The following PLXNA3 variants were observed in gnomAD, a reference collection of about 807,000 sequenced individuals.
PLXNA3 encodes the protein plexin A3.
A neutral mutation model predicts 118.8 loss-of-function variants in PLXNA3; 52 were observed. The observed-to-expected ratio is 0.44, with a 90% CI of 0.35 to 0.55. PLXNA3 has a LOEUF of 0.55. Among genes scored for constraint, PLXNA3 ranks in the 20% least tolerant of loss-of-function variants. The pLI is 0.01. For synonymous variants in PLXNA3, 925 were observed against 762.4 expected, an observed-to-expected ratio of 1.21 and a Z score of -3.51; for missense variants, 1,660 against 1,730.8, an observed-to-expected ratio of 0.96 and a Z score of 0.73.
chrX:154,463,886 G>A (rs1263420662), intron 6 of PLXNA3, 65 bp from the exon 7 acceptor site: 5 of 1,146,578 alleles, frequency 4.4e-6, no homozygotes, highest in Non-Finnish European at 5.8e-6. Flanking sequence ...CTGGCACTGT[G>A]AGCTGGACAG....
intron 2 of PLXNA3, 147 bp from the exon 3 acceptor site, chrX:154,460,952 A>G: frequency 1.6e-6 from 1 of 622,197 alleles, no homozygotes; most frequent in Non-Finnish European, 2.4e-6. Flanking sequence ...GTGTGCAGGG[A>G]GGCTGGTCAC....
In PLXNA3 at chrX:154,467,649, G is replaced by A; in HGVS notation, c.3546G>A (p.Leu1182=). Residue 1182 remains leucine, a synonymous_variant, in exon 20 of 33, where the codon CTG becomes CTA. Transcript: ENST00000369682. ...TCACTGTCTCGGACACACAACTCCT[G>A]TGCGACTCACCCAGCCAGACTGGCC... The part of the protein sequence containing the change: ...CSLTVSDTQL[L]CDSPSQTGRQ... 8.3e-7 allele frequency: 1 copy of A among 1,210,225 alleles called. No homozygotes were observed. The highest frequency in any genetic ancestry group is 1.1e-6 in the Non-Finnish European group (1 of 895,275).
chrX:154,461,295 G>A lies in PLXNA3; in HGVS notation c.791G>A (p.Arg264His), dbSNP rs2068953408. 4.1e-6 allele frequency: 5 copies of A among 1,211,469 alleles called. No homozygotes were observed. Among genetic ancestry groups the A allele is most frequent in the Non-Finnish European group, 4.5e-6 (4 of 895,252 alleles). Reference protein sequence around the residue: ...GEKFFTSKIVRMCAGDSEFYS... With the variant: ...GEKFFTSKIVHMCAGDSEFYS... Reference sequence around the variant, plus strand: ...AAATTTTTCACGTCCAAGATCGTGCGCATGTGCGCGGGAGACTCAGAGTTC... The same window carrying A: ...AAATTTTTCACGTCCAAGATCGTGCACATGTGCGCGGGAGACTCAGAGTTC... Residue 264 changes from arginine (R) to histidine (H), a missense_variant, in exon 3 of 33, where the codon CGC becomes CAC. Physicochemically the swap from Arg to His is conservative, Grantham distance 29. Around this residue, in one of 2 missense-constraint regions of PLXNA3, gnomAD observed 791 missense variants for 652.1 expected, o/e 1.21. Transcript: ENST00000369682.
chrX:154,467,179 G>A (rs782210364), intron 18 of PLXNA3, 29 bp downstream of exon 18: 10 of 1,114,237 alleles, frequency 9.0e-6, no homozygotes, highest in South Asian at 1.8e-5. Context: ...GCCCCACCCC[G>A]ACCCTGCAGC....
rs1557209990 is a variant in PLXNA3, at chrX:154,472,972, A to G, written c.*287A>G. On this transcript the variant is annotated 3_prime_UTR_variant, in exon 33 of 33. Coordinates refer to ENST00000369682, the MANE Select transcript of PLXNA3 (RefSeq NM_017514.5). ...TTGGGACAGTCCCACCCTCCCTGCT[A>G]TTTATATCCCTCTGCCTATTTATTG... The G allele has an allele frequency of 3.8e-6, 1 of 264,783 alleles. No individual in the cohort carries two copies. Among genetic ancestry groups the G allele is most frequent in the Non-Finnish European group, 6.9e-6 (1 of 145,570 alleles). 21.8% of individuals were successfully genotyped at this position (264,783 alleles called of 1,213,427 possible).
chrX:154,472,279 T>A (rs1218706881), intron 32 of PLXNA3, among the ~76,000 whole-genome samples: 1 of 110,438 alleles, frequency 9.1e-6, no homozygotes, highest in Non-Finnish European at 1.9e-5. Context: ...CTGGCGAGGG[T>A]CACGGGGTCC....
Position 154,465,867 on chromosome X carries a change from C to G in PLXNA3, c.2532+20C>G. The stretch of plus-strand genomic sequence containing the variant: ...ACGCAGGTCAGCCTCCCTCACCGCC[C>G]CTGCCCACTGCCAACAGGGCCCCTG... On this transcript the variant is annotated intron_variant, in intron 13 of 32. Transcript: ENST00000369682. 8.3e-7 allele frequency: 1 copy of G among 1,209,014 alleles called. No homozygotes were observed. The highest frequency in any genetic ancestry group is 1.1e-6 in the Non-Finnish European group (1 of 893,952).
In PLXNA3 at chrX:154,470,481, G is replaced by A; in HGVS notation, c.5026G>A (p.Val1676Met). Residue 1676 changes from valine (V) to methionine (M), a missense_variant, in exon 30 of 33, where the codon GTG becomes ATG. Around this residue, in one of 2 missense-constraint regions of PLXNA3, gnomAD observed 869 missense variants for 1,078.7 expected, o/e 0.81. Coordinates refer to ENST00000369682, the MANE Select transcript of PLXNA3 (RefSeq NM_017514.5). Reference sequence around the variant, plus strand: ...GTTCGTGGATGACCTCTTTGAGACAGTGTTCAGCACAGCCCACCGGGGCTC... The same window carrying A: ...GTTCGTGGATGACCTCTTTGAGACAATGTTCAGCACAGCCCACCGGGGCTC... ...QKFVDDLFET[V>M]FSTAHRGSAL... 1 of 1,211,496 alleles carries A rather than the reference G, an allele frequency of 8.3e-7. No homozygotes were observed. Among genetic ancestry groups the A allele is most frequent in the Non-Finnish European group, 1.1e-6 (1 of 895,271 alleles).
intron 12 of PLXNA3, 65 bp from the exon 13 acceptor site, chrX:154,465,592 G>C: frequency 8.6e-7 from 1 of 1,160,992 alleles, no homozygotes; most frequent in Non-Finnish European, 1.2e-6. Context: ...GGGGGCCCTA[G>C]TGCTCCCCAC....
At position 154,467,441 on chromosome X, in the gene PLXNA3, C is replaced by T. The variant is rs370470034; in HGVS notation, c.3411C>T (p.Asp1137=). 6.4e-5 allele frequency: 77 copies of T among 1,195,074 alleles called. No homozygotes were observed. The highest frequency in any genetic ancestry group is 8.2e-5 in the Non-Finnish European group (73 of 892,289). The change falls in exon 19 of 33, where the codon GAC becomes GAT. Residue 1137 remains aspartate (D), a synonymous_variant. Coordinates refer to ENST00000369682, the MANE Select transcript of PLXNA3 (RefSeq NM_017514.5). ...FEPLGPSGVL[D]VKPGSHVVLK... is the part of the protein sequence containing the mutation. ...CGCTGGGGCCCTCTGGCGTGCTGGACGTCAAACCGGGCTCCCACGTGGTGC... is the reference window on the plus strand; with the variant it reads ...CGCTGGGGCCCTCTGGCGTGCTGGATGTCAAACCGGGCTCCCACGTGGTGC...
At chrX:154,466,352 C>G (rs2069085210) in intron 15 of PLXNA3, 24 bp from the exon 16 acceptor site, 1 of 1,210,333 alleles carries the variant, frequency 8.3e-7, no homozygotes, top group Non-Finnish European at 1.1e-6. Flanking sequence ...CCGGCTCCTC[C>G]CCTCAGGGCA....
In PLXNA3 at chrX:154,464,302, C is replaced by G. The variant is rs1000735586; in HGVS notation, c.1817C>G (p.Thr606Ser). 27 of 1,206,596 alleles carry G rather than the reference C, an allele frequency of 2.2e-5. 1 individual carries two copies. The Middle Eastern group carries it at 9.2e-4, about 41-fold the overall frequency. Residue 606 changes from threonine to serine, a missense_variant, in exon 8 of 33, where the codon ACC (threonine) becomes AGC (serine). Thr to Ser is a moderately conservative substitution (Grantham distance 58). Transcript: ENST00000369682. ...SPSLQELRAL[T>S]RGHGATRTVR... ...TCCCTCCAGGAGCTCCGAGCTCTTA[C>G]CAGGGGGCATGGTCAGTGGGTTGGG...
At chrX:154,469,809 A>G (rs782664078) in intron 28 of PLXNA3, 25 bp downstream of exon 28, 2 of 1,170,366 alleles carry the variant, frequency 1.7e-6, no homozygotes, top group Non-Finnish European at 2.3e-6. Flanking sequence ...TGTGGTGGCC[A>G]TGTGCCCTTC....
At position 154,464,029 on chromosome X, in the gene PLXNA3, G is replaced by A; in HGVS notation, c.1626G>A (p.Val542=). The change falls in exon 7 of 33, where the codon GTG becomes GTA. Residue 542 remains valine, a synonymous_variant. Transcript: ENST00000369682. ...FAEELSKCVQ[V]RVRPNNVSVT... is the part of the protein sequence containing the mutation. ...AGGAGCTGAGCAAGTGTGTCCAGGT[G>A]CGGGTCCGGCCCAACAATGTGTCAG... The A allele has an allele frequency of 8.3e-7, 1 of 1,209,598 alleles. No homozygotes were observed. The highest frequency in any genetic ancestry group is 1.1e-6 in the Non-Finnish European group (1 of 894,637).
Position 154,461,566 on chromosome X carries a change from G to T in PLXNA3, c.1062G>T (p.Gln354His), listed in dbSNP as rs2068962665. 8.3e-7 allele frequency: 1 copy of T among 1,207,458 alleles called. No homozygotes were observed. Among genetic ancestry groups the T allele is most frequent in the Non-Finnish European group, 1.1e-6 (1 of 895,104 alleles). The part of the protein sequence containing the change: ...NINAHIRRRI[Q>H]SCYRGEGTLA... ...ATGCCCACATCCGGCGCCGCATCCA[G>T]TCCTGCTATCGTGGGGAGGGCACTC... The change falls in exon 3 of 33, where the codon CAG becomes CAT. Residue 354 changes from glutamine to histidine, a missense_variant. This residue lies in a region of PLXNA3 where 791 missense variants were observed against 652.1 expected (regional missense o/e 1.21). Coordinates refer to ENST00000369682, the MANE Select transcript of PLXNA3 (RefSeq NM_017514.5).
Position 154,475,178 on chromosome X carries a change from C to G in PLXNA3, c.*2493C>G, listed in dbSNP as rs782516313. On this transcript the variant is annotated 3_prime_UTR_variant, in exon 33 of 33. Coordinates refer to ENST00000369682, the MANE Select transcript of PLXNA3 (RefSeq NM_017514.5). ...GTGCAATGGTATGATCTTGGCTCAC[C>G]GCAACCTCCGCCTCCCGGGTTCAAG... The G allele has an allele frequency of 9.6e-6, 1 of 103,868 alleles. No individual in the cohort carries two copies. The highest frequency in any genetic ancestry group is 4.4e-4 in the South Asian group (1 of 2,271). The allele number at this position is 103,868 out of a possible 1,213,427, so 8.6% of individuals were successfully genotyped here.
chrX:154,468,272 C>A, intron 22 of PLXNA3, 31 bp from the exon 23 acceptor site: 3 of 1,190,255 alleles, frequency 2.5e-6, no homozygotes, highest in Non-Finnish European at 3.4e-6. Context: ...CAGGGCCGCC[C>A]CCACCCTCTG....
rs782009938 is a variant in PLXNA3 at position 154,472,522 on chromosome X, T to G, written c.5521-68T>G. 1.7e-5 allele frequency: 12 copies of G among 718,671 alleles called. No homozygotes were observed. In the South Asian group the frequency reaches 1.8e-4, roughly 10 times the overall value. The allele number at this position is 718,671 out of a possible 1,213,427, so 59.2% of individuals were successfully genotyped here. ...GGGAGGGAGGAGCCCAGCTGGGAAGTGGGGACTTTGCATGGCAGGAGCTGC... is the reference window on the plus strand; with the variant it reads ...GGGAGGGAGGAGCCCAGCTGGGAAGGGGGGACTTTGCATGGCAGGAGCTGC... On this transcript the variant is annotated intron_variant, in intron 32 of 32. Coordinates refer to ENST00000369682, the MANE Select transcript of PLXNA3 (RefSeq NM_017514.5).
intron 30 of PLXNA3, 147 bp downstream of exon 30, chrX:154,470,758 CA>C (rs2069172616): frequency 1.4e-5 from 8 of 561,009 alleles, no homozygotes; most frequent in Non-Finnish European, 2.9e-6. Context: ...ACGGTGCCAT[CA>C]AGCCAAGGGG....
Sources: gnomAD v4.1 joint callset for allele counts (sites outside exome capture counted in the v4.1 genomes callset) on GRCh38, gnomAD v4.1.1 for gene constraint, gnomAD v4.1.1 regional missense constraint, MANE v1.5 for transcripts, NCBI Gene and HGNC (gene_info 2026-07-23, HGNC 2026-07-21) for gene names.